Variants in MYO5B observed in about 807,000 individuals in gnomAD.
MYO5B encodes unconventional myosin-Vb.
A neutral mutation model predicts 229.3 loss-of-function variants in MYO5B; 143 were observed. The ratio of observed to expected loss-of-function variants is 0.62; its 90% CI spans 0.54 to 0.72. The LOEUF (loss-of-function observed/expected upper bound fraction) is 0.72. Among genes scored for constraint, MYO5B ranks in the 30% least tolerant of loss-of-function variants. The probability of loss-of-function intolerance (pLI) is 0.00; values close to 1 mark genes in which losing one functional copy is unlikely to be tolerated. For missense variants in MYO5B, 2,321 were observed against 2,331.0 expected (o/e 1.00, Z 0.09); for synonymous variants, 918 against 885.2 (o/e 1.04, Z -0.66).
intron 23 of MYO5B, chr18:49,879,291 G>A: frequency 1.6e-6 from 1 of 628,434 alleles, no homozygotes; most frequent in East Asian, 2.9e-5. Flanking sequence ...GAGAGGGAGA[G>A]AAAGACCCTG....
At chr18:50,074,659 A>G (rs2031036738) in intron 1 of MYO5B, among the ~76,000 whole-genome samples, 1 of 152,184 alleles carries the variant, frequency 6.6e-6, no homozygotes, top group Non-Finnish European at 1.5e-5. Context: ...CCTTCCTTGA[A>G]GAGCTTTTCC....
intron 35 of MYO5B, 131 bp downstream of exon 35, chr18:49,841,234 G>T: frequency 1.2e-6 from 1 of 837,272 alleles, no homozygotes; most frequent in Non-Finnish European, 2.0e-6. Flanking sequence ...GGCATGATAA[G>T]GTGTGCCCAC....
At chr18:49,992,169 A>G in intron 6 of MYO5B, 119 bp downstream of exon 6, 5 of 1,372,600 alleles carry the variant, frequency 3.6e-6, no homozygotes, top group Non-Finnish European at 3.1e-6. Flanking sequence ...AAGAACAACT[A>G]CATTCAATTC....
chr18:50,184,832 A>T (rs2033123488), intron 1 of MYO5B, among the ~76,000 whole-genome samples: 1 of 151,978 alleles, frequency 6.6e-6, no homozygotes, highest in African/African-American at 2.4e-5. Flanking sequence ...TGAGGCCAGG[A>T]GTTCAAGACC....
chr18:49,907,044 C>A (rs1377219401), intron 18 of MYO5B, among the ~76,000 whole-genome samples: 1 of 152,130 alleles, frequency 6.6e-6, no homozygotes, highest in African/African-American at 2.4e-5. Context: ...CTGAAGGAGG[C>A]AACCACAGAA....
At chr18:49,843,631 G>A (rs2024089845) in intron 33 of MYO5B, among the ~76,000 whole-genome samples, 1 of 152,166 alleles carries the variant, frequency 6.6e-6, no homozygotes, top group Non-Finnish European at 1.5e-5. Context: ...ATTCCTAATT[G>A]TCTGCACTAT....
chr18:50,039,768 A>C (rs116504111), intron 3 of MYO5B, among the ~76,000 whole-genome samples: 1,815 of 152,344 alleles, frequency 0.012, 29 homozygotes, highest in African/African-American at 0.042. Flanking sequence ...ATCACAGAAA[A>C]GCAGGCTTTT....
chr18:50,110,307 T>G (rs1599028110), intron 1 of MYO5B, among the ~76,000 whole-genome samples: 1 of 152,078 alleles, frequency 6.6e-6, no homozygotes, highest in African/African-American at 2.4e-5. Context: ...CCTAAATACT[T>G]TATCCTGCTT....
At chr18:49,906,163 A>G (rs1340533315) in intron 19 of MYO5B, among the ~76,000 whole-genome samples, 2 of 152,182 alleles carry the variant, frequency 1.3e-5, no homozygotes, top group Non-Finnish European at 2.9e-5. Context: ...TGGCAAAACC[A>G]GCTGGTTCTA....
chr18:49,993,333 A>T (rs766090098), intron 5 of MYO5B, among the ~76,000 whole-genome samples: 3 of 151,866 alleles, frequency 2.0e-5, no homozygotes, highest in Non-Finnish European at 4.4e-5. Flanking sequence ...GCCCAGCCCA[A>T]TACAAGCAGA....
At position 49,965,096 on chromosome 18, in the gene MYO5B, T is replaced by C. The variant is rs142285595; in HGVS notation, c.1323-2066A>G. 2.0e-3 allele frequency among the ~76,000 whole-genome samples: 297 copies of C among 152,262 alleles called. 1 individual carries two copies. Among genetic ancestry groups the C allele is most frequent in the African/African-American group, 6.9e-3 (288 of 41,544 alleles). On this transcript the variant is annotated intron_variant, in intron 10 of 39. Coordinates refer to ENST00000285039, the MANE Select transcript of MYO5B (RefSeq NM_001080467.3). Reference sequence around the variant, plus strand: ...CCTGGAGGCACGAAGGTGAGCAAGGTAGTTCTTACTACAGTAGGAAGCCAG... The same window carrying C: ...CCTGGAGGCACGAAGGTGAGCAAGGCAGTTCTTACTACAGTAGGAAGCCAG...
chr18:50,029,054 G>A (rs773004680), intron 4 of MYO5B, among the ~76,000 whole-genome samples: 6 of 152,184 alleles, frequency 3.9e-5, no homozygotes, highest in Non-Finnish European at 7.3e-5. Context: ...AAATAGGAAT[G>A]TCATCATTAG....
At chr18:50,010,319 C>T (rs919642226) in intron 4 of MYO5B, among the ~76,000 whole-genome samples, 20 of 152,128 alleles carry the variant, frequency 1.3e-4, no homozygotes, top group Admixed American at 1.2e-3. Flanking sequence ...GCTGGCTATT[C>T]CCAAGCAGGG....
chr18:49,910,358 C>A (rs1341800295), intron 18 of MYO5B, among the ~76,000 whole-genome samples: 1 of 152,142 alleles, frequency 6.6e-6, no homozygotes, highest in Non-Finnish European at 1.5e-5. Flanking sequence ...AACTATGATC[C>A]TAGACAAATG....
intron 30 of MYO5B, among the ~76,000 whole-genome samples, chr18:49,855,678 T>C (rs2144064588): frequency 6.6e-6 from 1 of 152,356 alleles, no homozygotes; most frequent in South Asian, 2.1e-4. Context: ...GAAGGTCCTA[T>C]TCCATTCACA....
intron 1 of MYO5B, among the ~76,000 whole-genome samples, chr18:50,156,915 T>C (rs944956998): frequency 1.3e-5 from 2 of 152,172 alleles, no homozygotes; most frequent in Non-Finnish European, 2.9e-5. Flanking sequence ...CTGTCACCAA[T>C]GAAGTCCATG....
intron 14 of MYO5B, among the ~76,000 whole-genome samples, chr18:49,944,133 A>G (rs2025345656): frequency 1.3e-5 from 2 of 152,202 alleles, no homozygotes; most frequent in Non-Finnish European, 2.9e-5. Context: ...ACAGGGGCTA[A>G]TATTTATTGA....
intron 25 of MYO5B, among the ~76,000 whole-genome samples, chr18:49,876,927 A>G (rs928281030): frequency 2.0e-5 from 3 of 152,190 alleles, no homozygotes; most frequent in Non-Finnish European, 4.4e-5. Flanking sequence ...ACCTGCAATC[A>G]TATCACATGT....
chr18:50,104,265 G>GATATATATATATATATATATATATATAT (rs3075606), intron 1 of MYO5B, among the ~76,000 whole-genome samples: 57 of 134,546 alleles, frequency 4.2e-4, no homozygotes, highest in African/African-American at 1.5e-3. Flanking sequence ...ATCTATACAT[G>GATATATATATATATATATATATATATAT]ATATATATAT....
Sources: gnomAD v4.1 joint callset for allele counts (sites outside exome capture counted in the v4.1 genomes callset) on GRCh38, gnomAD v4.1.1 for gene constraint, MANE v1.5 for transcripts, NCBI Gene and HGNC (gene_info 2026-07-23, HGNC 2026-07-21) for gene names.